SAMD5: variants seen among roughly 807,000 people sequenced by gnomAD.
SAMD5 encodes the protein sterile alpha motif domain containing 5.
A neutral mutation model predicts 11.3 loss-of-function variants in SAMD5; 13 were observed. The ratio of observed to expected loss-of-function variants is 1.15; its 90% CI spans 0.75 to 1.83. The LOEUF (loss-of-function observed/expected upper bound fraction) is 1.83, where lower values mean the gene tolerates loss of function less well. SAMD5 is among the 40% of genes most tolerant of loss of function. The pLI is 0.00. For missense variants in SAMD5, 255 were observed against 239.1 expected, an observed-to-expected ratio of 1.07 and a Z score of -0.44; for synonymous variants, 129 against 111.3, an observed-to-expected ratio of 1.16 and a Z score of -1.00.
chr6:147,510,030 A>G (rs12189702), intron 1 of SAMD5, among the ~76,000 whole-genome samples: 1 of 152,238 alleles, frequency 6.6e-6, no homozygotes, highest in Admixed American at 6.5e-5. Flanking sequence ...TGCTAAGGAC[A>G]TCAGAGATAA....
the SAMD5 span, among the ~76,000 whole-genome samples, chr6:147,912,130 CTT>C: frequency 6.8e-6 from 1 of 146,202 alleles, no homozygotes; most frequent in Admixed American, 6.9e-5. Flanking sequence ...GATTCTATTT[CTT>C]TTTTTTTTTA....
At chr6:147,775,905 T>C in the SAMD5 span, among the ~76,000 whole-genome samples, 4 of 152,152 alleles carry the variant, frequency 2.6e-5, no homozygotes, top group Admixed American at 2.6e-4. Context: ...TATTTTATAG[T>C]GTTATTAGGA....
intron 1 of SAMD5, among the ~76,000 whole-genome samples, chr6:147,595,552 A>G: frequency 8.3e-6 from 1 of 120,100 alleles, no homozygotes; most frequent in Non-Finnish European, 1.6e-5. Flanking sequence ...TTTGAGACAG[A>G]GTCTTGCTCT....
intron 1 of SAMD5, among the ~76,000 whole-genome samples, chr6:147,706,702 G>A (rs1386405888): frequency 6.6e-6 from 1 of 152,182 alleles, no homozygotes; most frequent in Non-Finnish European, 1.5e-5. Context: ...TGCAGGACTT[G>A]AGTATGCGTG....
chr6:147,830,874 A>G, the SAMD5 span, among the ~76,000 whole-genome samples: 2 of 152,262 alleles, frequency 1.3e-5, no homozygotes, highest in African/African-American at 4.8e-5. Context: ...CATGTTAAAT[A>G]GATTCTTGCT....
rs898842307 is a variant in SAMD5 at position 147,516,932 on chromosome 6, G to A, written c.459+7545G>A. 6.6e-5 allele frequency among the ~76,000 whole-genome samples: 10 copies of A among 152,136 alleles called. No homozygotes were observed. In the East Asian group the frequency reaches 1.2e-3, roughly 18 times the overall value. Reference sequence around the variant, plus strand: ...CTTTCAAAATTCAAAGAGGCTCACCGGATATTATGTGTCCTTCTTGGTTGT... The same window carrying A: ...CTTTCAAAATTCAAAGAGGCTCACCAGATATTATGTGTCCTTCTTGGTTGT... On this transcript the variant is annotated intron_variant, in intron 1 of 1. Coordinates refer to ENST00000367474, the MANE Select transcript of SAMD5 (RefSeq NM_001030060.3).
intron 1 of SAMD5, among the ~76,000 whole-genome samples, chr6:147,603,526 G>A (rs942513161): frequency 1.3e-5 from 2 of 152,124 alleles, no homozygotes; most frequent in African/African-American, 4.8e-5. Flanking sequence ...AGTAAGTTGA[G>A]TTGGAGGAGC....
At chr6:147,816,355 A>G in the SAMD5 span, among the ~76,000 whole-genome samples, 1 of 140,036 alleles carries the variant, frequency 7.1e-6, no homozygotes, top group Admixed American at 7.2e-5. Context: ...TTAAATATAA[A>G]TATATGCAGT....
At chr6:147,754,388 A>T in the SAMD5 span, among the ~76,000 whole-genome samples, 2 of 97,252 alleles carry the variant, frequency 2.1e-5, no homozygotes, top group Admixed American at 1.2e-4. Flanking sequence ...CAAATCTTTT[A>T]CCCATTTTTG....
At chr6:147,942,508 T>C in the SAMD5 span, among the ~76,000 whole-genome samples, 1 of 152,246 alleles carries the variant, frequency 6.6e-6, no homozygotes, top group Non-Finnish European at 1.5e-5. Flanking sequence ...CAGCAAAGAA[T>C]AGAAGGGCAT....
the SAMD5 span, among the ~76,000 whole-genome samples, chr6:147,933,330 G>C: frequency 6.6e-6 from 1 of 152,312 alleles, no homozygotes; most frequent in African/African-American, 2.4e-5. Flanking sequence ...CATTGAGAAA[G>C]TGACAATGTA....
chr6:147,777,373 C>T, the SAMD5 span, among the ~76,000 whole-genome samples: 5 of 152,264 alleles, frequency 3.3e-5, no homozygotes, highest in South Asian at 2.1e-4. Context: ...TCAGTCATTT[C>T]GCTTGACCTT....
At chr6:147,760,567 G>C in the SAMD5 span, among the ~76,000 whole-genome samples, 7 of 151,922 alleles carry the variant, frequency 4.6e-5, no homozygotes, top group Admixed American at 2.0e-4. Context: ...CCTTTTTGAG[G>C]CATCTCAAAG....
At chr6:147,870,752 G>A in the SAMD5 span, among the ~76,000 whole-genome samples, 2 of 139,010 alleles carry the variant, frequency 1.4e-5, no homozygotes, top group Non-Finnish European at 3.1e-5. Flanking sequence ...GGGAGAGGGG[G>A]CAGGAAGTCG....
intron 1 of SAMD5, among the ~76,000 whole-genome samples, chr6:147,702,817 A>ATATGTG (rs1554245546): frequency 1.3e-5 from 2 of 149,944 alleles, no homozygotes; most frequent in Non-Finnish European, 3.0e-5. Context: ...CTATTTGTAT[A>ATATGTG]TGTGTGTGTG....
the SAMD5 span, among the ~76,000 whole-genome samples, chr6:147,858,246 T>C: frequency 7.9e-5 from 12 of 152,150 alleles, no homozygotes; most frequent in Non-Finnish European, 1.5e-5. Flanking sequence ...CATTGGTCAG[T>C]TAGCAGCACT....
chr6:147,884,910 C>T, the SAMD5 span, among the ~76,000 whole-genome samples: 12 of 152,294 alleles, frequency 7.9e-5, no homozygotes, highest in African/African-American at 2.9e-4. Flanking sequence ...AAATCATGAA[C>T]TATTTACCAT....
In SAMD5 at chr6:147,610,442, G is replaced by T. The variant is rs564073255; in HGVS notation, c.162+101055G>T. ...TATGTAAGCAGTGCTCCAGGGAGGT[G>T]ATTCCAGAGCAGTCTCTCCCCACTG... On this transcript the variant is annotated intron_variant, in intron 1 of 1. Coordinates refer to the SAMD5 transcript ENST00000566741. Among the ~76,000 whole-genome samples the T allele has an allele frequency of 3.3e-5, 5 of 152,288 alleles. 1 individual carries two copies. The South Asian group carries it at 8.3e-4, about 25-fold the overall frequency.
chr6:147,593,361 G>A (rs946323313), intron 1 of SAMD5, among the ~76,000 whole-genome samples: 1 of 152,110 alleles, frequency 6.6e-6, no homozygotes, highest in East Asian at 1.9e-4. Flanking sequence ...ATACACTGAA[G>A]CAAAAGGAGA....
Sources: allele counts gnomAD v4.1 joint callset (sites outside exome capture counted in the v4.1 genomes callset), GRCh38; gene constraint gnomAD v4.1.1; transcripts MANE v1.5; gene names NCBI Gene and HGNC (gene_info 2026-07-23, HGNC 2026-07-21).